Variants in ADAMTSL1 observed in about 807,000 individuals in gnomAD.
The protein encoded by ADAMTSL1 is ADAMTS-like protein 1.
A neutral mutation model predicts 201.8 loss-of-function variants in ADAMTSL1; 126 were observed. The observed-to-expected ratio is 0.62, with a 90% CI of 0.54 to 0.72. The LOEUF (loss-of-function observed/expected upper bound fraction) is 0.72, where lower values mean the gene tolerates loss of function less well. Among genes scored for constraint, ADAMTSL1 ranks in the 30% least tolerant of loss-of-function variants. The pLI, the probability that ADAMTSL1 is intolerant of heterozygous loss-of-function variation, is 0.00. For missense variants in ADAMTSL1, 2,679 were observed against 2,277.8 expected (o/e 1.18, Z -3.59); for synonymous variants, 1,121 against 903.4 (o/e 1.24, Z -4.32).
chr9:18,251,079 C>G (rs1831448250), intron 2 of ADAMTSL1, among the ~76,000 whole-genome samples: 1 of 151,656 alleles, frequency 6.6e-6, no homozygotes, highest in Non-Finnish European at 1.5e-5. Context: ...ATTAGGGTAC[C>G]AAAATTTAAC....
intron 1 of ADAMTSL1, among the ~76,000 whole-genome samples, chr9:18,158,941 G>T (rs953469554): frequency 6.6e-6 from 1 of 151,890 alleles, no homozygotes; most frequent in African/African-American, 2.4e-5. Context: ...ACTTAGCAGT[G>T]GTCCTCAAAA....
At chr9:18,261,586 C>G (rs1831926457) in intron 2 of ADAMTSL1, among the ~76,000 whole-genome samples, 1 of 152,102 alleles carries the variant, frequency 6.6e-6, no homozygotes, top group Non-Finnish European at 1.5e-5. Context: ...TCTGGGGAGA[C>G]TTTAGAGGAA....
intron 9 of ADAMTSL1, among the ~76,000 whole-genome samples, chr9:18,667,830 T>C (rs1324248772): frequency 2.0e-5 from 3 of 152,176 alleles, no homozygotes; most frequent in Non-Finnish European, 4.4e-5. Context: ...TTTGTTGTTT[T>C]AACAACAGGA....
intron 4 of ADAMTSL1, among the ~76,000 whole-genome samples, chr9:18,594,872 G>A (rs1824162776): frequency 6.6e-6 from 1 of 152,064 alleles, no homozygotes. Flanking sequence ...TTGTGAAAGA[G>A]CAACAATGTC....
At chr9:18,825,107 C>G (rs964929528) in intron 21 of ADAMTSL1, among the ~76,000 whole-genome samples, 1 of 152,010 alleles carries the variant, frequency 6.6e-6, no homozygotes, top group Non-Finnish European at 1.5e-5. Flanking sequence ...TTTCTGCTCC[C>G]TAGAGACCTG....
At chr9:18,052,255 A>G (rs1821971780) in intron 1 of ADAMTSL1, among the ~76,000 whole-genome samples, 1 of 152,246 alleles carries the variant, frequency 6.6e-6, no homozygotes, top group Non-Finnish European at 1.5e-5. Context: ...CACTAAACAC[A>G]TCACACAAAT....
intron 1 of ADAMTSL1, among the ~76,000 whole-genome samples, chr9:18,485,746 G>A (rs962186576): frequency 6.6e-6 from 1 of 152,212 alleles, no homozygotes; most frequent in Non-Finnish European, 1.5e-5. Context: ...AATCCCTATA[G>A]CTGGAGCACA....
intron 4 of ADAMTSL1, among the ~76,000 whole-genome samples, chr9:18,591,482 T>C (rs1823910769): frequency 6.6e-6 from 1 of 152,180 alleles, no homozygotes; most frequent in Admixed American, 6.6e-5. Context: ...CCACTCTTTA[T>C]CTTTTAATTG....
At chr9:18,179,011 A>G (rs1221337164) in intron 2 of ADAMTSL1, among the ~76,000 whole-genome samples, 1 of 152,262 alleles carries the variant, frequency 6.6e-6, no homozygotes, top group Non-Finnish European at 1.5e-5. Context: ...CCAGCAACAG[A>G]ACAAAGCTGG....
At chr9:18,219,187 C>A (rs1830161239) in intron 2 of ADAMTSL1, among the ~76,000 whole-genome samples, 1 of 151,638 alleles carries the variant, frequency 6.6e-6, no homozygotes, top group Admixed American at 6.6e-5. Context: ...GATTTTTTAA[C>A]TCTTCAATTT....
chr9:18,184,831 C>G (rs1010008189), intron 2 of ADAMTSL1, among the ~76,000 whole-genome samples: 1 of 152,162 alleles, frequency 6.6e-6, no homozygotes, highest in Non-Finnish European at 1.5e-5. Flanking sequence ...CTGGACTATT[C>G]AGAACATGGC....
intron 21 of ADAMTSL1, among the ~76,000 whole-genome samples, chr9:18,822,269 TC>T (rs1002075577): frequency 6.6e-6 from 1 of 152,090 alleles, no homozygotes; most frequent in African/African-American, 2.4e-5. Flanking sequence ...AAAGATCATC[TC>T]CCGCAACCTG....
At chr9:18,119,837 G>A (rs182872232) in intron 1 of ADAMTSL1, among the ~76,000 whole-genome samples, 75 of 152,186 alleles carry the variant, frequency 4.9e-4, no homozygotes, top group African/African-American at 1.7e-3. Context: ...AAGACAGAAA[G>A]ACATTGATAA....
At chr9:18,511,722 T>C (rs1954220864) in intron 2 of ADAMTSL1, among the ~76,000 whole-genome samples, 1 of 152,194 alleles carries the variant, frequency 6.6e-6, no homozygotes, top group East Asian at 1.9e-4. Flanking sequence ...AACACAGATA[T>C]TCTGCCATGA....
chr9:17,965,955 C>T (rs1024808658), intron 1 of ADAMTSL1, among the ~76,000 whole-genome samples: 1 of 152,186 alleles, frequency 6.6e-6, no homozygotes, highest in African/African-American at 2.4e-5. Context: ...CTTGGGTCTT[C>T]TCTACTTTGT....
At chr9:18,712,025 C>A (rs1366686980) in intron 14 of ADAMTSL1, among the ~76,000 whole-genome samples, 2 of 152,102 alleles carry the variant, frequency 1.3e-5, no homozygotes, top group African/African-American at 4.8e-5. Flanking sequence ...AACAGACCTG[C>A]AGCTGAGGGT....
chr9:18,721,845 G>A (rs1324575996), intron 15 of ADAMTSL1, among the ~76,000 whole-genome samples, 180 bp downstream of exon 15: 1 of 152,318 alleles, frequency 6.6e-6, no homozygotes, highest in Non-Finnish European at 1.5e-5. Context: ...TGGAATTCTA[G>A]CCCAGTCAAT....
At chr9:18,384,894 T>C (rs1837723948) in intron 2 of ADAMTSL1, among the ~76,000 whole-genome samples, 2 of 152,182 alleles carry the variant, frequency 1.3e-5, no homozygotes, top group Non-Finnish European at 2.9e-5. Context: ...TCCCATTCTC[T>C]TCCAACATGC....
At chr9:18,804,922 TA>T (rs916422660) in intron 20 of ADAMTSL1, among the ~76,000 whole-genome samples, 4 of 152,336 alleles carry the variant, frequency 2.6e-5, no homozygotes, top group African/African-American at 9.6e-5. Context: ...TTTAGGGTGT[TA>T]AAAATGTGTT....
Sources: allele counts gnomAD v4.1 joint callset (sites outside exome capture counted in the v4.1 genomes callset), GRCh38; gene constraint gnomAD v4.1.1; transcripts MANE v1.5; gene names NCBI Gene and HGNC (gene_info 2026-07-23, HGNC 2026-07-21).